LSM14A: variants seen among roughly 807,000 people sequenced by gnomAD.
LSM14A encodes LSM14A mRNA processing body assembly factor.
A neutral mutation model predicts 52.4 loss-of-function variants in LSM14A; 14 were observed. The ratio of observed to expected loss-of-function variants is 0.27; its 90% CI spans 0.18 to 0.42. LSM14A has a LOEUF of 0.42. Among genes scored for constraint, LSM14A ranks in the 10% least tolerant of loss-of-function variants. The probability of loss-of-function intolerance (pLI) is 1.00; values close to 1 mark genes in which losing one functional copy is unlikely to be tolerated. For missense variants in LSM14A, 417 were observed against 581.8 expected (o/e 0.72, Z 2.91); for synonymous variants, 185 against 200.3 (o/e 0.92, Z 0.64).
At chr19:34,202,013 C>T (rs556849082) in intron 3 of LSM14A, among the ~76,000 whole-genome samples, 1 of 151,682 alleles carries the variant, frequency 6.6e-6, no homozygotes, top group African/African-American at 2.4e-5. Context: ...GTAAACACAG[C>T]ATCTCAGCAT....
intron 9 of LSM14A, chr19:34,226,590 A>G (rs2145916961): frequency 2.5e-6 from 2 of 803,752 alleles, no homozygotes; most frequent in Non-Finnish European, 1.9e-6. Context: ...AACGGGGTGC[A>G]AATGTTTTGG....
intron 8 of LSM14A, among the ~76,000 whole-genome samples, 179 bp downstream of exon 8, chr19:34,220,056 A>C (rs2072947619): frequency 6.6e-6 from 1 of 152,170 alleles, no homozygotes; most frequent in Non-Finnish European, 1.5e-5. Context: ...TGTAGTCTCA[A>C]GCTCCTGACC....
chr19:34,202,845 G>A (rs2071401235), intron 3 of LSM14A, among the ~76,000 whole-genome samples: 1 of 152,018 alleles, frequency 6.6e-6, no homozygotes, highest in African/African-American at 2.4e-5. Flanking sequence ...TTTTAGTAGA[G>A]ACGGGGTTTC....
chr19:34,205,518 TA>T (rs1240112495), intron 3 of LSM14A, among the ~76,000 whole-genome samples: 3 of 86,264 alleles, frequency 3.5e-5, no homozygotes, highest in African/African-American at 1.3e-4. Context: ...AAAAAAAAAA[TA>T]CTAGGAAAAA....
At chr19:34,178,473 T>G (rs1033371714) in intron 1 of LSM14A, among the ~76,000 whole-genome samples, 4 of 152,244 alleles carry the variant, frequency 2.6e-5, no homozygotes, top group African/African-American at 9.6e-5. Flanking sequence ...AGTTTGTTTC[T>G]GCAGTTTGTT....
At chr19:34,190,002 T>C (rs1362048611) in intron 1 of LSM14A, among the ~76,000 whole-genome samples, 1 of 152,182 alleles carries the variant, frequency 6.6e-6, no homozygotes, top group Admixed American at 6.5e-5. Flanking sequence ...AATGAACCAA[T>C]GTGATTTCTG....
At chr19:34,183,270 C>T (rs1568473562) in intron 1 of LSM14A, among the ~76,000 whole-genome samples, 2 of 151,942 alleles carry the variant, frequency 1.3e-5, no homozygotes, top group Admixed American at 6.6e-5. Context: ...TACATAAACC[C>T]GGCCGGGCGC....
chr19:34,226,098 G>A (rs922073302), intron 9 of LSM14A, among the ~76,000 whole-genome samples: 1 of 151,890 alleles, frequency 6.6e-6, no homozygotes, highest in African/African-American at 2.4e-5. Context: ...TAACCTTATG[G>A]TAAGTTTGGT....
At chr19:34,218,372 T>C (rs2072825731) in intron 6 of LSM14A, among the ~76,000 whole-genome samples, 1 of 152,184 alleles carries the variant, frequency 6.6e-6, no homozygotes, top group Non-Finnish European at 1.5e-5. Flanking sequence ...GCATTTTTAA[T>C]AGTAGAGGTG....
In LSM14A at chr19:34,219,486, G is replaced by C; in HGVS notation, c.877G>C (p.Glu293Gln). Residue 293 changes from glutamate to glutamine, a missense_variant, in exon 7 of 10, where the codon GAG (glutamate) becomes CAG (glutamine). Glu to Gln is a conservative substitution (Grantham distance 29). Around this residue, in one of 2 missense-constraint regions of LSM14A, gnomAD observed 357 missense variants for 457.0 expected, o/e 0.78. Transcript: ENST00000544216. ...GIRRDGPMKF[E>Q]KDFDFESANA... ...TCGGCGAGATGGGCCAATGAAATTT[G>C]AGAAAGACTTTGACTTTGAAAGTGC... 6.2e-7 allele frequency: 1 copy of C among 1,614,064 alleles called. No homozygotes were observed. Among genetic ancestry groups the C allele is most frequent in the Non-Finnish European group, 8.5e-7 (1 of 1,179,994 alleles).
At chr19:34,227,128 G>A (rs552784907) in intron 9 of LSM14A, among the ~76,000 whole-genome samples, 6 of 152,194 alleles carry the variant, frequency 3.9e-5, no homozygotes, top group South Asian at 2.1e-4. Flanking sequence ...GTATTTTGGG[G>A]TGGGGTTCAC....
At chr19:34,225,268 T>G (rs2145908618) in intron 9 of LSM14A, among the ~76,000 whole-genome samples, 1 of 152,220 alleles carries the variant, frequency 6.6e-6, no homozygotes, top group African/African-American at 2.4e-5. Flanking sequence ...CATTCCAGAG[T>G]TGAATAATCC....
chr19:34,214,665 G>T (rs903275585), intron 4 of LSM14A, among the ~76,000 whole-genome samples: 1 of 152,130 alleles, frequency 6.6e-6, no homozygotes, highest in African/African-American at 2.4e-5. Context: ...TAGATGTAAA[G>T]GTATTGTTTT....
intron 1 of LSM14A, among the ~76,000 whole-genome samples, chr19:34,183,238 C>G (rs3097333): frequency 0.49 from 75,085 of 151,918 alleles, 19,268 homozygotes; most frequent in Middle Eastern, 0.58. Flanking sequence ...ATCAAAACTA[C>G]GTGAGAGGGA....
chr19:34,223,134 G>T (rs1225283484), intron 9 of LSM14A, among the ~76,000 whole-genome samples: 1 of 152,038 alleles, frequency 6.6e-6, no homozygotes, highest in African/African-American at 2.4e-5. Context: ...AGACTGGAGT[G>T]CAATGGCATG....
intron 1 of LSM14A, among the ~76,000 whole-genome samples, chr19:34,187,810 A>G (rs1214451552): frequency 6.6e-6 from 1 of 152,090 alleles, no homozygotes; most frequent in Non-Finnish European, 1.5e-5. Flanking sequence ...CATTAGGATG[A>G]TGTTTGAGCT....
chr19:34,187,491 T>C (rs2070013948), intron 1 of LSM14A, among the ~76,000 whole-genome samples: 1 of 152,080 alleles, frequency 6.6e-6, no homozygotes, highest in South Asian at 2.1e-4. Flanking sequence ...GGTTTCACCA[T>C]GTTGGCTAGG....
intron 9 of LSM14A, among the ~76,000 whole-genome samples, chr19:34,226,129 C>G (rs1316551184): frequency 6.6e-6 from 1 of 151,948 alleles, no homozygotes; most frequent in Non-Finnish European, 1.5e-5. Context: ...TTTCCCCCTC[C>G]CACCGCCCAT....
At chr19:34,224,084 T>C (rs1361251412) in intron 9 of LSM14A, among the ~76,000 whole-genome samples, 2 of 151,680 alleles carry the variant, frequency 1.3e-5, no homozygotes, top group Non-Finnish European at 2.9e-5. Context: ...ATCCCAGCAC[T>C]TTGGGAGGCT....
Sources: gnomAD v4.1 joint callset for allele counts (sites outside exome capture counted in the v4.1 genomes callset) on GRCh38, gnomAD v4.1.1 for gene constraint, gnomAD v4.1.1 regional missense constraint, MANE v1.5 for transcripts, NCBI Gene and HGNC (gene_info 2026-07-23, HGNC 2026-07-21) for gene names.